GRIK2: variants seen among roughly 807,000 people sequenced by gnomAD.
GRIK2 encodes the protein glutamate ionotropic receptor kainate type subunit 2, also known as glutamate receptor ionotropic, kainate 2.
GRIK2 carries 32 observed loss-of-function variants against 100.3 expected under a neutral mutation model. That is an observed-to-expected ratio of 0.32 (90% CI 0.24 to 0.43). The LOEUF is 0.43. Ranked by LOEUF, GRIK2 falls within the 20% of genes least tolerant of loss-of-function variation. The probability of loss-of-function intolerance (pLI) is 1.00; values close to 1 mark genes in which losing one functional copy is unlikely to be tolerated. For missense variants in GRIK2, 843 were observed against 1,114.9 expected (o/e 0.76, Z 3.47); for synonymous variants, 417 against 389.4 (o/e 1.07, Z -0.83).
intron 2 of GRIK2, among the ~76,000 whole-genome samples, chr6:101,453,150 C>T (rs1340825537): frequency 6.6e-6 from 1 of 151,762 alleles, no homozygotes; most frequent in Non-Finnish European, 1.5e-5. Flanking sequence ...TCAACTGTAT[C>T]CTGCTATTAA....
chr6:101,902,031 A>AATTTT (rs1554283046), intron 12 of GRIK2, among the ~76,000 whole-genome samples: 2 of 12,814 alleles, frequency 1.6e-4, no homozygotes, highest in African/African-American at 6.2e-4. Context: ...ATTGGCTTAA[A>AATTTT]AATTTAAATG....
At chr6:101,972,803 G>A (rs1395614250) in intron 14 of GRIK2, among the ~76,000 whole-genome samples, 4 of 151,822 alleles carry the variant, frequency 2.6e-5, no homozygotes, top group Non-Finnish European at 4.4e-5. Flanking sequence ...TGAATAGAGA[G>A]TCCCTTTCCC....
At chr6:101,970,341 A>G (rs1427205895) in intron 14 of GRIK2, among the ~76,000 whole-genome samples, 1 of 151,978 alleles carries the variant, frequency 6.6e-6, no homozygotes, top group Non-Finnish European at 1.5e-5. Context: ...CCAGGAAAGA[A>G]TTTAGGCAGC....
At chr6:101,725,441 T>C (rs1342427625) in intron 7 of GRIK2, among the ~76,000 whole-genome samples, 2 of 152,062 alleles carry the variant, frequency 1.3e-5, no homozygotes, top group Non-Finnish European at 2.9e-5. Flanking sequence ...GAAGATATTA[T>C]TCAAATGTTT....
At chr6:101,615,435 T>C (rs1023776541) in intron 2 of GRIK2, among the ~76,000 whole-genome samples, 2 of 151,738 alleles carry the variant, frequency 1.3e-5, no homozygotes, top group African/African-American at 4.8e-5. Context: ...CTCCAGATTC[T>C]TGAAAATGTG....
chr6:101,860,973 T>C (rs1444594188), intron 11 of GRIK2: 11 of 834,902 alleles, frequency 1.3e-5, no homozygotes, highest in Non-Finnish European at 1.3e-5. Context: ...TCATCCTCTC[T>C]TCTCCACTTT....
intron 14 of GRIK2, among the ~76,000 whole-genome samples, chr6:101,937,419 A>G (rs950307511): frequency 6.6e-6 from 1 of 152,140 alleles, no homozygotes. Flanking sequence ...TTGAGCTAAC[A>G]TGTCAAGTGC....
intron 2 of GRIK2, among the ~76,000 whole-genome samples, chr6:101,604,377 G>A (rs1036787012): frequency 6.6e-6 from 1 of 151,770 alleles, no homozygotes; most frequent in Admixed American, 6.6e-5. Context: ...AAAAATTTTA[G>A]GCATCTTCCA....
chr6:102,043,650 C>T (rs1582777079), intron 15 of GRIK2, among the ~76,000 whole-genome samples: 1 of 151,738 alleles, frequency 6.6e-6, no homozygotes, highest in South Asian at 2.1e-4. Context: ...TTTCTTTATT[C>T]TCTGATCCAT....
rs550561429 is a variant in GRIK2 at position 102,028,348 on chromosome 6, C to T, written c.2086-6993C>T. On this transcript the variant is annotated intron_variant, in intron 14 of 16. Transcript: ENST00000369134. ...AACTGCTATTATAAGCAGATAGTGT[C>T]TTCTGAACTGATTTTATTGGTTTGT... is the stretch of plus-strand genomic sequence containing the variant. Among the ~76,000 whole-genome samples, 9 of 151,258 alleles carry T rather than the reference C, an allele frequency of 6.0e-5. No homozygotes were observed. In the South Asian group the frequency reaches 1.9e-3, roughly 31 times the overall value.
chr6:101,432,361 T>C (rs903652046), intron 2 of GRIK2, among the ~76,000 whole-genome samples: 1 of 152,224 alleles, frequency 6.6e-6, no homozygotes, highest in Admixed American at 6.5e-5. Context: ...GGAATTCTAG[T>C]GTCTTAATCC....
chr6:101,896,896 C>T (rs911569317), intron 12 of GRIK2, among the ~76,000 whole-genome samples: 1 of 151,382 alleles, frequency 6.6e-6, no homozygotes, highest in Non-Finnish European at 1.5e-5. Context: ...ACTCAGAGTG[C>T]TAAAACTTGA....
intron 2 of GRIK2, among the ~76,000 whole-genome samples, chr6:101,597,147 A>G (rs1778965339): frequency 6.6e-6 from 1 of 151,850 alleles, no homozygotes; most frequent in Admixed American, 6.6e-5. Flanking sequence ...AAAACCAAAT[A>G]CCACATGTTC....
chr6:101,644,173 C>T (rs1349592268), intron 4 of GRIK2, among the ~76,000 whole-genome samples: 2 of 151,740 alleles, frequency 1.3e-5, no homozygotes, highest in Non-Finnish European at 3.0e-5. Context: ...AAATAAATTA[C>T]AGTACAGTAT....
chr6:101,840,484 C>T (rs1482441437), intron 10 of GRIK2, among the ~76,000 whole-genome samples: 1 of 152,118 alleles, frequency 6.6e-6, no homozygotes, highest in Admixed American at 6.5e-5. Flanking sequence ...CCAATTAACC[C>T]CACTACAGTG....
At position 101,718,332 on chromosome 6, in the gene GRIK2, A is replaced by G. The variant is rs1332924149; in HGVS notation, c.951+31979A>G. On this transcript the variant is annotated intron_variant, in intron 7 of 16. Coordinates refer to ENST00000369134, the MANE Select transcript of GRIK2 (RefSeq NM_021956.5). ...AACCATTGGGTGCCAGATACAAATT[A>G]TGATGTAAATTATAAGAACCATTTT... is the stretch of plus-strand genomic sequence containing the variant. Among the ~76,000 whole-genome samples, 19 of 151,878 alleles carry G rather than the reference A, an allele frequency of 1.3e-4. No homozygotes were observed. In the Admixed American group the frequency reaches 1.3e-3, roughly 10 times the overall value.
At chr6:101,981,372 C>T (rs1357026998) in intron 14 of GRIK2, among the ~76,000 whole-genome samples, 2 of 151,812 alleles carry the variant, frequency 1.3e-5, no homozygotes, top group Admixed American at 6.6e-5. Flanking sequence ...AGATCCTTCA[C>T]TTGGAGGTAC....
At chr6:101,956,320 A>G (rs972150061) in intron 14 of GRIK2, among the ~76,000 whole-genome samples, 1 of 152,100 alleles carries the variant, frequency 6.6e-6, no homozygotes, top group Admixed American at 6.6e-5. Flanking sequence ...TTAATTTTAT[A>G]TCTATTTGGA....
intron 2 of GRIK2, among the ~76,000 whole-genome samples, chr6:101,462,263 G>T (rs1295692727): frequency 4.6e-5 from 7 of 152,136 alleles, no homozygotes; most frequent in Admixed American, 3.3e-4. Flanking sequence ...ATAGCAATGT[G>T]CTCCATCTGA....
Sources: gnomAD v4.1 joint callset for allele counts (sites outside exome capture counted in the v4.1 genomes callset) on GRCh38, gnomAD v4.1.1 for gene constraint, MANE v1.5 for transcripts, NCBI Gene and HGNC (gene_info 2026-07-23, HGNC 2026-07-21) for gene names.